PPP6C: variants seen among roughly 807,000 people sequenced by gnomAD.
PPP6C encodes serine/threonine-protein phosphatase 6 catalytic subunit.
A neutral mutation model predicts 39.8 loss-of-function variants in PPP6C; 11 were observed. The observed-to-expected ratio is 0.28, with a 90% CI of 0.17 to 0.46. The LOEUF (loss-of-function observed/expected upper bound fraction) is 0.46, where lower values mean the gene tolerates loss of function less well. Among genes scored for constraint, PPP6C ranks in the 20% least tolerant of loss-of-function variants. The probability of loss-of-function intolerance (pLI) is 1.00; values close to 1 mark genes in which losing one functional copy is unlikely to be tolerated. For missense variants in PPP6C, 211 were observed against 373.9 expected (o/e 0.56, Z 3.59); for synonymous variants, 129 against 130.3 (o/e 0.99, Z 0.07).
chr9:125,162,997 T>C (rs1033302860), intron 2 of PPP6C, among the ~76,000 whole-genome samples: 3 of 151,912 alleles, frequency 2.0e-5, no homozygotes, highest in Non-Finnish European at 4.4e-5. Flanking sequence ...GAGAATCACT[T>C]GAACCTGGGA....
rs1444389784 is a variant in PPP6C at position 125,169,901 on chromosome 9, T to C, written c.171+1184A>G. Among the ~76,000 whole-genome samples the C allele has an allele frequency of 8.6e-5, 13 of 151,958 alleles. No individual in the cohort carries two copies. The East Asian group carries it at 2.5e-3, about 29-fold the overall frequency. On this transcript the variant is annotated intron_variant, in intron 2 of 6. Transcript: ENST00000373547. Reference sequence around the variant, plus strand: ...AACACCTTGAAAAACCAAAAGAAAATCAGCCTGTAAGTAAGTAGCCAAAAC... The same window carrying C: ...AACACCTTGAAAAACCAAAAGAAAACCAGCCTGTAAGTAAGTAGCCAAAAC...
intron 6 of PPP6C, chr9:125,151,613 T>C (rs1835944333): frequency 1.4e-6 from 1 of 717,326 alleles, no homozygotes; most frequent in Admixed American, 1.8e-5. Context: ...CTGAGGCTTT[T>C]TAAGAATAAA....
intron 3 of PPP6C, among the ~76,000 whole-genome samples, chr9:125,158,675 T>C (rs1259833240): frequency 6.6e-6 from 1 of 151,992 alleles, no homozygotes; most frequent in African/African-American, 2.4e-5. Flanking sequence ...CTTTTTTTTC[T>C]TTTTTTGAGA....
chr9:125,149,986 TAAATA>T, intron 6 of PPP6C, 65 bp from the exon 7 acceptor site: 1 of 1,537,088 alleles, frequency 6.5e-7, no homozygotes, highest in Non-Finnish European at 8.8e-7. Context: ...CATAATCATT[TAAATA>T]AAATACCAAA....
rs201231626 is a variant in PPP6C at position 125,167,460 on chromosome 9, CGAGACAG to C, written c.171+3618_171+3624del. Among the ~76,000 whole-genome samples, 902 of 149,596 alleles carry C rather than the reference CGAGACAG, an allele frequency of 6.0e-3. 9 individuals are homozygous for C. The highest frequency in any genetic ancestry group is 7.4e-3 in the Non-Finnish European group (497 of 67,510). ...CTGTAATCCCAGCACTTTGGGAGGC[CGAGACAG>C]GAGACAGGAGGATCACATGAGGTCA... is the stretch of plus-strand genomic sequence containing the variant. On this transcript the variant is annotated intron_variant, in intron 2 of 6. Coordinates refer to ENST00000373547, the MANE Select transcript of PPP6C (RefSeq NM_002721.5).
At chr9:125,150,690 T>C in intron 6 of PPP6C, 1 of 956,416 alleles carries the variant, frequency 1.0e-6, no homozygotes. Flanking sequence ...CCACCAGGGC[T>C]TATCTCAGAA....
chr9:125,185,519 C>CATGG (rs1361374478), intron 1 of PPP6C, among the ~76,000 whole-genome samples: 3 of 151,558 alleles, frequency 2.0e-5, no homozygotes, highest in Non-Finnish European at 4.4e-5. Flanking sequence ...CATGGTGAAA[C>CATGG]CCCATCTCTA....
intron 1 of PPP6C, among the ~76,000 whole-genome samples, chr9:125,171,444 A>AAC (rs1293100001): frequency 3.3e-5 from 4 of 123,052 alleles, no homozygotes; most frequent in East Asian, 2.4e-4. Context: ...TTTTTCACCA[A>AAC]ACACACACAC....
chr9:125,171,151 G>C lies in PPP6C; in HGVS notation c.105C>G (p.Leu35=). 1.9e-6 allele frequency: 3 copies of C among 1,602,590 alleles called. No homozygotes were observed. Among genetic ancestry groups the C allele is most frequent in the Non-Finnish European group, 1.7e-6 (2 of 1,171,718 alleles). The change falls in exon 2 of 7, where the codon CTC becomes CTG. Residue 35 remains leucine (L), a synonymous_variant. Transcript: ENST00000373547. ...KRLCDYVCDL[L]LEESNVQPVS... is the part of the protein sequence containing the mutation. ...CTGGCTGAACATTTGACTCTTCTAA[G>C]AGGAGGTCACAAACGTAGTCACATA... is the stretch of plus-strand genomic sequence containing the variant.
Position 125,146,754 on chromosome 9 carries a change from A to G in PPP6C, c.*2919T>C, listed in dbSNP as rs1835822550. On this transcript the variant is annotated 3_prime_UTR_variant, in exon 7 of 7. Transcript: ENST00000373547. ...GTGCTTTACAAACATTAGCATTTAA[A>G]AAACAATTACATTTAAAAATCTGGA... The G allele has an allele frequency of 6.6e-6, 1 of 152,204 alleles. No individual in the cohort carries two copies. Among genetic ancestry groups the G allele is most frequent in the Non-Finnish European group, 1.5e-5 (1 of 68,034 alleles). 9.4% of individuals were successfully genotyped at this position (152,204 alleles called of 1,614,324 possible).
chr9:125,185,468 T>G (rs1443546934), intron 1 of PPP6C, among the ~76,000 whole-genome samples: 2 of 150,942 alleles, frequency 1.3e-5, no homozygotes, highest in Admixed American at 1.3e-4. Flanking sequence ...CTGAGAAGGG[T>G]GGATCACCTG....
intron 3 of PPP6C, 146 bp from the exon 4 acceptor site, chr9:125,158,528 AT>A (rs1836135749): frequency 2.4e-6 from 2 of 820,070 alleles, no homozygotes; most frequent in Non-Finnish European, 1.7e-6. Flanking sequence ...TAACAAAAAA[AT>A]AAAATACACG....
At chr9:125,161,002 G>A (rs1828862356) in intron 2 of PPP6C, 96 bp from the exon 3 acceptor site, 2 of 724,134 alleles carry the variant, frequency 2.8e-6, no homozygotes, top group East Asian at 5.9e-5. Context: ...CAGCTAAGAG[G>A]ACTCCAAATA....
intron 1 of PPP6C, among the ~76,000 whole-genome samples, chr9:125,174,473 ATCT>A (rs778017303): frequency 8.0e-5 from 12 of 150,180 alleles, no homozygotes; most frequent in South Asian, 2.1e-4. Context: ...CAAAGGCAAG[ATCT>A]TCTTTTTGGC....
At chr9:125,151,580 G>A in intron 6 of PPP6C, 1 of 784,674 alleles carries the variant, frequency 1.3e-6, no homozygotes, top group Non-Finnish European at 2.3e-6. Flanking sequence ...ATTCAGTCAT[G>A]TCCCTTTATA....
chr9:125,172,054 T>G (rs1829182691), intron 1 of PPP6C: 3 of 443,948 alleles, frequency 6.8e-6, no homozygotes, highest in South Asian at 4.8e-5. Flanking sequence ...CACATTTTGG[T>G]ACATCCACAC....
rs187621799 is a variant in PPP6C at position 125,151,483 on chromosome 9, C to T, written c.670-1562G>A. ...TACCCCAGGAGGACAAGATGAAGCA[C>T]CATTCCAAAATACAGGTGATCAACA... is the stretch of plus-strand genomic sequence containing the variant. On this transcript the variant is annotated intron_variant, in intron 6 of 6. Transcript: ENST00000373547. 4.6e-4 allele frequency: 364 copies of T among 796,004 alleles called. No individual in the cohort carries two copies. In the African/African-American group the frequency reaches 5.7e-3, roughly 12 times the overall value. 49.3% of individuals were successfully genotyped at this position (796,004 alleles called of 1,614,324 possible). A position where few individuals can be genotyped will look rare whatever the true frequency, so the allele number is the denominator to read the frequency against.
At chr9:125,165,137 A>C (rs1828984622) in intron 2 of PPP6C, among the ~76,000 whole-genome samples, 1 of 152,114 alleles carries the variant, frequency 6.6e-6, no homozygotes, top group Non-Finnish European at 1.5e-5. Context: ...GATCTTAAAA[A>C]CCAGAGGTCC....
In PPP6C at chr9:125,149,528, G is replaced by T. The variant is rs1835887334; in HGVS notation, c.*145C>A. 2 of 1,008,130 alleles carry T rather than the reference G, an allele frequency of 2.0e-6. No homozygotes were observed. The highest frequency in any genetic ancestry group is 1.7e-5 in the African/African-American group (1 of 60,288). The allele number at this position is 1,008,130 out of a possible 1,614,324, so 62.4% of individuals were successfully genotyped here. A position where few individuals can be genotyped will look rare whatever the true frequency, so the allele number is the denominator to read the frequency against. ...GACACCACAACAAACAATAAATTTAGATAATTTAAAATTTAAAAAAAAAAA... is the reference window on the plus strand; with the variant it reads ...GACACCACAACAAACAATAAATTTATATAATTTAAAATTTAAAAAAAAAAA... On this transcript the variant is annotated 3_prime_UTR_variant, in exon 7 of 7. Transcript: ENST00000373547.
Sources: allele counts gnomAD v4.1 joint callset (sites outside exome capture counted in the v4.1 genomes callset), GRCh38; gene constraint gnomAD v4.1.1; transcripts MANE v1.5; gene names NCBI Gene and HGNC (gene_info 2026-07-23, HGNC 2026-07-21).